AGAP1: variants seen among roughly 807,000 people sequenced by gnomAD.
AGAP1 encodes the protein arf-GAP with GTPase, ANK repeat and PH domain-containing protein 1.
In AGAP1, 29 loss-of-function variants were observed where a neutral mutation model predicts 105.3. The observed-to-expected ratio is 0.28, with a 90% CI of 0.21 to 0.38. AGAP1 has a LOEUF of 0.38. AGAP1 is among the 10% of genes least tolerant of loss of function. The pLI is 1.00. For synonymous variants in AGAP1, 509 were observed against 485.9 expected, an observed-to-expected ratio of 1.05 and a Z score of -0.63; for missense variants, 998 against 1,165.1, an observed-to-expected ratio of 0.86 and a Z score of 2.09.
intron 10 of AGAP1, among the ~76,000 whole-genome samples, chr2:235,885,767 G>A (rs1192533962): frequency 2.6e-5 from 4 of 152,180 alleles, no homozygotes; most frequent in East Asian, 1.9e-4. Flanking sequence ...CAGGTCTTCC[G>A]TCGGCATCTC....
intron 9 of AGAP1, among the ~76,000 whole-genome samples, chr2:235,870,067 GC>G (rs371045452): frequency 6.6e-6 from 1 of 152,288 alleles, no homozygotes; most frequent in African/African-American, 2.4e-5. Flanking sequence ...GGATGAGGGG[GC>G]TGGTTTTTGT....
chr2:235,610,748 G>A lies in AGAP1; in HGVS notation c.164-98431G>A, dbSNP rs1203427881. 6.6e-6 allele frequency among the ~76,000 whole-genome samples: 1 copy of A among 152,154 alleles called. No homozygotes were observed. The highest frequency in any genetic ancestry group is 2.4e-5 in the African/African-American group (1 of 41,434). Reference sequence around the variant, plus strand: ...GCTCCCGTGAGCTCCCTGCCCTGGAGTGGAAACCCTGGGCTGGGGAGGAGG... The same window carrying A: ...GCTCCCGTGAGCTCCCTGCCCTGGAATGGAAACCCTGGGCTGGGGAGGAGG... On this transcript the variant is annotated intron_variant, in intron 1 of 17. Coordinates refer to ENST00000304032, the MANE Select transcript of AGAP1 (RefSeq NM_001037131.3). This position sits in a 1 kb window ranked among gnomAD's most constrained non-coding sequence, Gnocchi z 4.9.
chr2:235,902,043 G>C (rs892069014), intron 10 of AGAP1, among the ~76,000 whole-genome samples: 5 of 152,102 alleles, frequency 3.3e-5, no homozygotes, highest in Non-Finnish European at 7.4e-5. Flanking sequence ...ATATTTTTGT[G>C]AAAAGTATAA....
intron 9 of AGAP1, among the ~76,000 whole-genome samples, chr2:235,812,124 A>T (rs1366841617): frequency 6.6e-6 from 1 of 152,002 alleles, no homozygotes; most frequent in African/African-American, 2.4e-5. Context: ...CCCTTTTGTG[A>T]TGCTCGGTGG....
At position 235,574,308 on chromosome 2, in the gene AGAP1, G is replaced by GA. The variant is rs973357180; in HGVS notation, c.163+79463dup. ...TTAAAATCTTCCGAACAGAAAAGCT[G>GA]AAAATGTTCCCTTACCTTAAGGGAA... is the stretch of plus-strand genomic sequence containing the variant. On this transcript the variant is annotated intron_variant, in intron 1 of 17. Transcript: ENST00000304032. This position sits in a 1 kb window ranked among gnomAD's most constrained non-coding sequence, Gnocchi z 5.0. 1.3e-5 allele frequency among the ~76,000 whole-genome samples: 2 copies of GA among 152,222 alleles called. No individual in the cohort carries two copies. The highest frequency in any genetic ancestry group is 4.8e-5 in the African/African-American group (2 of 41,468).
Position 235,546,970 on chromosome 2 carries a change from C to T in AGAP1, c.163+52121C>T, listed in dbSNP as rs537869082. On this transcript the variant is annotated intron_variant, in intron 1 of 17. Transcript: ENST00000304032. ...TATTCAGCTCTCCACCCGTAGGGAC[C>T]TGCTGTGGCAGCCATAAAACTGTGC... 2.3e-4 allele frequency among the ~76,000 whole-genome samples: 35 copies of T among 152,342 alleles called. No individual in the cohort carries two copies. In the East Asian group the frequency reaches 6.2e-3, roughly 27 times the overall value.
intron 1 of AGAP1, among the ~76,000 whole-genome samples, chr2:235,522,121 G>A (rs1052662277): frequency 1.3e-5 from 2 of 152,158 alleles, no homozygotes; most frequent in Non-Finnish European, 2.9e-5. Flanking sequence ...TCCTCAAGAG[G>A]CTTAGAGTCT....
rs2060084954 is a variant in AGAP1 at position 236,131,575 on chromosome 2, T to G, written c.*7453T>G. The G allele has an allele frequency of 6.6e-6, 1 of 152,216 alleles. No individual in the cohort carries two copies. The highest frequency in any genetic ancestry group is 2.4e-5 in the African/African-American group (1 of 41,460). The allele number at this position is 152,216 out of a possible 1,614,324, so 9.4% of individuals were successfully genotyped here. ...GATGCTTTATTTATATTGTTTGTAC[T>G]GTAATTAAAACCATTGACAGACATT... On this transcript the variant is annotated 3_prime_UTR_variant, in exon 18 of 18. Coordinates refer to ENST00000304032, the MANE Select transcript of AGAP1 (RefSeq NM_001037131.3). The surrounding 1 kb of genome is among the most constrained non-coding windows in gnomAD (Gnocchi z 5.9).
intron 1 of AGAP1, among the ~76,000 whole-genome samples, chr2:235,604,375 G>T (rs1371571996): frequency 6.6e-6 from 1 of 151,212 alleles, no homozygotes; most frequent in African/African-American, 2.4e-5. Flanking sequence ...CCAGCTACTC[G>T]GGAAGCTGAG....
intron 13 of AGAP1, among the ~76,000 whole-genome samples, chr2:235,998,660 GTGGTGGTGGT>G (rs1417918066): frequency 6.6e-6 from 1 of 151,984 alleles, no homozygotes; most frequent in Non-Finnish European, 1.5e-5. Context: ...GTGAGAGGTG[GTGGTGGTGGT>G]GGTGGTGACG....
At chr2:235,573,888 G>A (rs933951368) in intron 1 of AGAP1, among the ~76,000 whole-genome samples, 2 of 152,220 alleles carry the variant, frequency 1.3e-5, no homozygotes, top group Non-Finnish European at 2.9e-5. Flanking sequence ...TGGAGACCCC[G>A]TGTATTCATG....
intron 1 of AGAP1, among the ~76,000 whole-genome samples, chr2:235,603,149 T>G (rs1260747456): frequency 6.6e-6 from 1 of 152,170 alleles, no homozygotes; most frequent in Non-Finnish European, 1.5e-5. Flanking sequence ...CATACTGTTC[T>G]GATGGTAGTG....
chr2:235,803,550 G>A (rs1211519422), intron 8 of AGAP1, among the ~76,000 whole-genome samples: 2 of 152,146 alleles, frequency 1.3e-5, no homozygotes, highest in Non-Finnish European at 2.9e-5. Context: ...CCAGCTGGAG[G>A]GGCACTATCC....
chr2:235,585,484 C>G (rs1201874716), intron 1 of AGAP1, among the ~76,000 whole-genome samples: 1 of 152,188 alleles, frequency 6.6e-6, no homozygotes, highest in Non-Finnish European at 1.5e-5. Context: ...TGGCTTTGCC[C>G]CGTGGAGCCA....
At position 235,712,260 on chromosome 2, in the gene AGAP1, C is replaced by T. The variant is rs910060305; in HGVS notation, c.222+3023C>T. Among the ~76,000 whole-genome samples, 9 of 152,200 alleles carry T rather than the reference C, an allele frequency of 5.9e-5. No individual in the cohort carries two copies. Among genetic ancestry groups the T allele is most frequent in the Admixed American group, 1.3e-4 (2 of 15,290 alleles). ...TGCTCAAACTCCTGACCTCGTCATC[C>T]GCCTGCCTTGGCCTCCCAAAGTGCT... On this transcript the variant is annotated intron_variant, in intron 2 of 17. Coordinates refer to ENST00000304032, the MANE Select transcript of AGAP1 (RefSeq NM_001037131.3). The surrounding 1 kb of genome is among the most constrained non-coding windows in gnomAD (Gnocchi z 6.0).
At chr2:235,671,495 C>G (rs1271138892) in intron 1 of AGAP1, among the ~76,000 whole-genome samples, 2 of 152,186 alleles carry the variant, frequency 1.3e-5, no homozygotes, top group Non-Finnish European at 2.9e-5. Context: ...TGGCGCCCCT[C>G]CCTGCCTCGA....
At chr2:236,106,018 G>A (rs893795049) in intron 16 of AGAP1, among the ~76,000 whole-genome samples, 9 of 152,188 alleles carry the variant, frequency 5.9e-5, no homozygotes, top group Non-Finnish European at 1.3e-4. Flanking sequence ...GGGCTTCAGC[G>A]ACTGACTTTC....
Position 235,733,276 on chromosome 2 carries a change from T to C in AGAP1, c.311-7687T>C, listed in dbSNP as rs1172197439. On this transcript the variant is annotated intron_variant, in intron 3 of 17. Transcript: ENST00000304032. This position sits in a 1 kb window ranked among gnomAD's most constrained non-coding sequence, Gnocchi z 5.0. Reference sequence around the variant, plus strand: ...TTGCCGGCCATTCACTTCCAAGGCTTTCTTATTTCCATTCCTCAGTCAGGA... The same window carrying C: ...TTGCCGGCCATTCACTTCCAAGGCTCTCTTATTTCCATTCCTCAGTCAGGA... Among the ~76,000 whole-genome samples the C allele has an allele frequency of 6.6e-6, 1 of 152,214 alleles. No individual in the cohort carries two copies. Among genetic ancestry groups the C allele is most frequent in the Non-Finnish European group, 1.5e-5 (1 of 68,042 alleles).
At position 235,566,591 on chromosome 2, in the gene AGAP1, G is replaced by C; in HGVS notation, c.163+71742G>C. ...GAGGACTAGATGACCAGTGCTGTGA[G>C]TGGGCAGGTCTGTCTCCTGCCTCTC... On this transcript the variant is annotated intron_variant, in intron 1 of 17. Transcript: ENST00000304032. This position sits in a 1 kb window ranked among gnomAD's most constrained non-coding sequence, Gnocchi z 5.2. 1 of 985,364 alleles carries C rather than the reference G, an allele frequency of 1.0e-6. No individual in the cohort carries two copies. Among genetic ancestry groups the C allele is most frequent in the Non-Finnish European group, 1.2e-6 (1 of 829,880 alleles). The allele number at this position is 985,364 out of a possible 1,614,324, so 61.0% of individuals were successfully genotyped here.
Sources: gnomAD v4.1 joint callset for allele counts (sites outside exome capture counted in the v4.1 genomes callset) on GRCh38, gnomAD v4.1.1 for gene constraint, Gnocchi (gnomAD v3.1) non-coding constraint, MANE v1.5 for transcripts, NCBI Gene and HGNC (gene_info 2026-07-23, HGNC 2026-07-21) for gene names.